MGST2: variants seen among roughly 807,000 people sequenced by gnomAD.
MGST2 encodes microsomal glutathione S-transferase 2.
MGST2 carries 9 observed loss-of-function variants against 16.6 expected under a neutral mutation model. That is an observed-to-expected ratio of 0.54 (90% CI 0.33 to 0.95). The LOEUF (loss-of-function observed/expected upper bound fraction) is 0.95, where lower values mean the gene tolerates loss of function less well. Among genes scored for constraint, MGST2 ranks in the 40% least tolerant of loss-of-function variants. The probability of loss-of-function intolerance (pLI) is 0.03; values close to 1 mark genes in which losing one functional copy is unlikely to be tolerated. For missense variants in MGST2, 159 were observed against 175.1 expected, an observed-to-expected ratio of 0.91 and a Z score of 0.52; for synonymous variants, 79 against 68.0, an observed-to-expected ratio of 1.16 and a Z score of -0.79.
chr4:139,711,025 T>C (rs74854318), intron 5 of MGST2, among the ~76,000 whole-genome samples: 1 of 151,644 alleles, frequency 6.6e-6, no homozygotes, highest in African/African-American at 2.4e-5. Context: ...TTTTTTTTTT[T>C]TGTTTTGAGA....
chr4:139,704,743 AAACCC>A (rs572498624), downstream of MGST2, among the ~76,000 whole-genome samples: 159 of 152,310 alleles, frequency 1.0e-3, no homozygotes, highest in Non-Finnish European at 1.6e-3. Context: ...TAACACAGTG[AAACCC>A]TGTCTCTACT....
intron 2 of MGST2, among the ~76,000 whole-genome samples, chr4:139,682,103 G>A (rs1187436995): frequency 6.6e-6 from 1 of 152,084 alleles, no homozygotes; most frequent in East Asian, 1.9e-4. Flanking sequence ...GGCTGAGGTT[G>A]GAGGATTGGT....
intron 2 of MGST2, among the ~76,000 whole-genome samples, chr4:139,686,234 A>C (rs182330152): frequency 1.3e-5 from 2 of 152,336 alleles, no homozygotes; most frequent in Admixed American, 1.3e-4. Context: ...GGTTGAGTTT[A>C]TCTAAAGACC....
downstream of MGST2, among the ~76,000 whole-genome samples, chr4:139,742,524 G>A (rs116757960): frequency 8.8e-3 from 1,333 of 152,270 alleles, 12 homozygotes; most frequent in African/African-American, 0.029. Flanking sequence ...TATAGTAGGC[G>A]CTCATAAAGG....
At chr4:139,693,430 T>C (rs1726734335) in intron 2 of MGST2, among the ~76,000 whole-genome samples, 1 of 150,754 alleles carries the variant, frequency 6.6e-6, no homozygotes, top group African/African-American at 2.4e-5. Context: ...AAAAAGAAAT[T>C]TTCAGTGAGT....
At chr4:139,738,608 C>CA (rs1266625511) in intron 5 of MGST2, among the ~76,000 whole-genome samples, 2 of 151,986 alleles carry the variant, frequency 1.3e-5, no homozygotes, top group African/African-American at 4.8e-5. Flanking sequence ...ATTGATAGGG[C>CA]AATTACTTAA....
At chr4:139,719,784 C>T (rs1394515867) in intron 5 of MGST2, 22 of 1,613,600 alleles carry the variant, frequency 1.4e-5, no homozygotes, top group East Asian at 4.5e-5. Context: ...GGGTAGCTGG[C>T]GCCATTGTTG....
At chr4:139,691,688 GATGA>G (rs1560747879) in intron 2 of MGST2, among the ~76,000 whole-genome samples, 1 of 139,474 alleles carries the variant, frequency 7.2e-6, no homozygotes, top group African/African-American at 2.6e-5. Context: ...TGATGATGAT[GATGA>G]TGATGATTAT....
intron 5 of MGST2, among the ~76,000 whole-genome samples, chr4:139,716,222 T>G (rs1727951912): frequency 6.6e-6 from 1 of 152,142 alleles, no homozygotes; most frequent in South Asian, 2.1e-4. Context: ...GGGTATAAAC[T>G]TCTAAGCACT....
At chr4:139,696,555 G>A (rs922132130) in intron 3 of MGST2, among the ~76,000 whole-genome samples, 4 of 152,138 alleles carry the variant, frequency 2.6e-5, no homozygotes, top group African/African-American at 9.7e-5. Context: ...TTCATCTGGC[G>A]TGGTGTCTAT....
rs190210222 is a variant in MGST2, at chr4:139,711,261, C to T, written c.*48+7065C>T. Among the ~76,000 whole-genome samples, 182 of 152,126 alleles carry T rather than the reference C, an allele frequency of 1.2e-3. 1 individual carries two copies. The highest frequency in any genetic ancestry group is 4.1e-3 in the African/African-American group (171 of 41,502). On this transcript the variant is annotated intron_variant, in intron 5 of 5. Coordinates refer to the MGST2 transcript ENST00000616265. ...TGTTACAGGACAGAGAAATATGTTA[C>T]AGGAAAAGGTCCCAATCCAGACCCC...
rs376421236 is a variant in MGST2 at position 139,665,916 on chromosome 4, C to A, written c.-104C>A. 7.2e-5 allele frequency: 84 copies of A among 1,170,452 alleles called. No individual in the cohort carries two copies. Among genetic ancestry groups the A allele is most frequent in the Admixed American group, 4.9e-4 (26 of 52,706 alleles). The allele number at this position is 1,170,452 out of a possible 1,614,324, so 72.5% of individuals were successfully genotyped here. A position where few individuals can be genotyped will look rare whatever the true frequency, so the allele number is the denominator to read the frequency against. ...GCCGCTTGAATCAGCCTTTTCCCCC[C>A]ACCCGGTCCCCAACTTTGTTTACCC... On this transcript the variant is annotated 5_prime_UTR_variant, in exon 1 of 5. Coordinates refer to ENST00000265498, the MANE Select transcript of MGST2 (RefSeq NM_002413.5).
chr4:139,739,559 T>G (rs992078430), intron 5 of MGST2, among the ~76,000 whole-genome samples: 1 of 152,134 alleles, frequency 6.6e-6, no homozygotes, highest in South Asian at 2.1e-4. Flanking sequence ...ATTAAATAAA[T>G]TATGGTACAT....
chr4:139,716,975 A>T (rs1451491703), intron 5 of MGST2: 3 of 152,636 alleles, frequency 2.0e-5, no homozygotes, highest in Non-Finnish European at 4.4e-5. Context: ...TCTGAAGTGC[A>T]ATACCACTGC....
chr4:139,744,554 G>A (rs573633661), downstream of MGST2, among the ~76,000 whole-genome samples: 11 of 152,154 alleles, frequency 7.2e-5, no homozygotes, highest in Non-Finnish European at 1.5e-4. Context: ...TGTGTGGCGT[G>A]TATATTTTGC....
intron 1 of MGST2, among the ~76,000 whole-genome samples, chr4:139,677,247 C>T (rs905134260): frequency 3.3e-5 from 5 of 152,164 alleles, no homozygotes; most frequent in Admixed American, 6.5e-5. Flanking sequence ...AGGACATGCC[C>T]GTGACATAGC....
intron 5 of MGST2, chr4:139,719,467 G>T (rs377696242): frequency 1.1e-5 from 18 of 1,613,900 alleles, no homozygotes; most frequent in Non-Finnish European, 1.5e-5. Flanking sequence ...TGTATGACAC[G>T]TCCTGAGGGG....
chr4:139,701,357 C>T (rs1225620759), intron 3 of MGST2, among the ~76,000 whole-genome samples: 1 of 152,126 alleles, frequency 6.6e-6, no homozygotes, highest in Non-Finnish European at 1.5e-5. Flanking sequence ...TCTTTGGCTT[C>T]CTCAGACCCT....
chr4:139,749,283 T>G, the MGST2 span, among the ~76,000 whole-genome samples: 1 of 152,162 alleles, frequency 6.6e-6, no homozygotes, highest in Admixed American at 6.5e-5. Context: ...TTCAAAAACA[T>G]GAAATATATA....
Sources: allele counts gnomAD v4.1 joint callset (sites outside exome capture counted in the v4.1 genomes callset), GRCh38; gene constraint gnomAD v4.1.1; transcripts MANE v1.5; gene names NCBI Gene and HGNC (gene_info 2026-07-23, HGNC 2026-07-21).